ROBO2: variants seen among roughly 807,000 people sequenced by gnomAD.
ROBO2 encodes the protein roundabout guidance receptor 2.
A neutral mutation model predicts 160.8 loss-of-function variants in ROBO2; 53 were observed. The observed-to-expected ratio is 0.33, with a 90% CI of 0.26 to 0.41. ROBO2 has a LOEUF of 0.41. Ranked by LOEUF, ROBO2 falls within the 10% of genes least tolerant of loss-of-function variation. ROBO2 has a pLI of 1.00. For synonymous variants in ROBO2, 664 were observed against 611.7 expected (o/e 1.09, Z -1.26); for missense variants, 1,577 against 1,722.4 (o/e 0.92, Z 1.49).
chr3:76,804,397 T>A (rs1001288330), intron 2 of ROBO2, among the ~76,000 whole-genome samples: 2 of 152,166 alleles, frequency 1.3e-5, no homozygotes, highest in African/African-American at 4.8e-5. Flanking sequence ...AGGAGTGTGA[T>A]TCGTAGCAGT....
At chr3:76,914,036 A>G (rs2076161275) in intron 2 of ROBO2, among the ~76,000 whole-genome samples, 1 of 152,206 alleles carries the variant, frequency 6.6e-6, no homozygotes, top group Non-Finnish European at 1.5e-5. Flanking sequence ...ACTCCTTTAG[A>G]TGAGTAAATG....
chr3:77,422,698 C>T (rs2077820929), intron 2 of ROBO2, among the ~76,000 whole-genome samples: 1 of 152,120 alleles, frequency 6.6e-6, no homozygotes, highest in African/African-American at 2.4e-5. Context: ...ATTGTTCTGT[C>T]TTTATTGCTT....
At chr3:77,037,985 G>T (rs1376326947), upstream of ROBO2, among the ~76,000 whole-genome samples, 1 of 152,164 alleles carries the variant, frequency 6.6e-6, no homozygotes, top group African/African-American at 2.4e-5. Context: ...ACATGAGCTA[G>T]ACATTGTAAT....
intron 2 of ROBO2, among the ~76,000 whole-genome samples, chr3:76,409,079 A>G (rs952018130): frequency 6.6e-6 from 1 of 152,056 alleles, no homozygotes; most frequent in Admixed American, 6.6e-5. Context: ...TGACATATGA[A>G]AGTTTCAAAT....
intron 2 of ROBO2, among the ~76,000 whole-genome samples, chr3:77,323,150 T>C (rs1458408623): frequency 6.7e-6 from 1 of 148,360 alleles, no homozygotes; most frequent in Non-Finnish European, 1.5e-5. Context: ...TGTAATTACT[T>C]GTATCAAATA....
chr3:77,258,620 C>CT (rs1217879013), intron 2 of ROBO2, among the ~76,000 whole-genome samples: 1 of 40,972 alleles, frequency 2.4e-5, no homozygotes, highest in East Asian at 1.1e-3. Flanking sequence ...GAGACTTTGT[C>CT]TTAAAAAAAA....
At chr3:76,500,345 C>T (rs574897031) in intron 2 of ROBO2, among the ~76,000 whole-genome samples, 4 of 152,262 alleles carry the variant, frequency 2.6e-5, no homozygotes, top group East Asian at 1.9e-4. Context: ...TCTCCAACTC[C>T]GGAGCAGTCT....
At chr3:76,989,389 T>A (rs1346337848) in intron 2 of ROBO2, among the ~76,000 whole-genome samples, 1 of 152,138 alleles carries the variant, frequency 6.6e-6, no homozygotes, top group Non-Finnish European at 1.5e-5. Flanking sequence ...CACCCTATTA[T>A]GGTCTAATGA....
chr3:77,076,851 C>T (rs2068062533), intron 1 of ROBO2, among the ~76,000 whole-genome samples: 1 of 151,878 alleles, frequency 6.6e-6, no homozygotes, highest in Non-Finnish European at 1.5e-5. Context: ...TTCAGTTTTG[C>T]CTTATGGATA....
At chr3:76,372,558 T>A (rs948112842) in intron 2 of ROBO2, among the ~76,000 whole-genome samples, 1 of 151,936 alleles carries the variant, frequency 6.6e-6, no homozygotes, top group Non-Finnish European at 1.5e-5. Flanking sequence ...TGCATCTACA[T>A]CTATAACAGA....
At chr3:76,367,072 T>C (rs2075854082) in intron 2 of ROBO2, among the ~76,000 whole-genome samples, 1 of 152,052 alleles carries the variant, frequency 6.6e-6, no homozygotes, top group Non-Finnish European at 1.5e-5. Flanking sequence ...AACTTTTAAT[T>C]TCCTAAACTT....
At chr3:76,304,746 C>T (rs1252583509) in intron 2 of ROBO2, among the ~76,000 whole-genome samples, 1 of 108,414 alleles carries the variant, frequency 9.2e-6, no homozygotes, top group African/African-American at 3.2e-5. Flanking sequence ...TCTTTTCTTT[C>T]CTTCTTTCTT....
intron 2 of ROBO2, among the ~76,000 whole-genome samples, chr3:76,184,228 T>G (rs895149697): frequency 5.9e-5 from 9 of 152,054 alleles, no homozygotes; most frequent in Admixed American, 4.6e-4. Context: ...GCTAGGTACT[T>G]TTGCTTCTGG....
intron 2 of ROBO2, among the ~76,000 whole-genome samples, chr3:76,262,541 G>A (rs1325082558): frequency 1.6e-4 from 24 of 151,996 alleles, no homozygotes; most frequent in Admixed American, 1.6e-3. Flanking sequence ...TTTCTGGACT[G>A]CTCCTTTACT....
intron 2 of ROBO2, among the ~76,000 whole-genome samples, chr3:77,231,927 T>C (rs1289678247): frequency 1.3e-5 from 2 of 152,226 alleles, no homozygotes; most frequent in Non-Finnish European, 2.9e-5. Flanking sequence ...AGTCCTTGTT[T>C]TCTGTAGCTT....
intron 2 of ROBO2, among the ~76,000 whole-genome samples, chr3:76,289,488 A>C (rs112352416): frequency 4.7e-4 from 72 of 151,870 alleles, no homozygotes; most frequent in African/African-American, 1.7e-3. Flanking sequence ...GAAGCTTTTG[A>C]GTTTGATTAG....
chr3:77,550,956 A>C, exon 8 of ROBO2: 1 of 1,612,926 alleles, frequency 6.2e-7, no homozygotes, highest in Non-Finnish European at 8.5e-7. Context: ...GGCAGGAAGC[A>C]TTTTAGCAAA....
At chr3:77,503,218 A>G (rs2087885550) in intron 5 of ROBO2, among the ~76,000 whole-genome samples, 1 of 151,692 alleles carries the variant, frequency 6.6e-6, no homozygotes, top group South Asian at 2.1e-4. Context: ...TTAAATATAA[A>G]TTAAAAAAAT....
chr3:77,094,779 G>C (rs1347706223), intron 1 of ROBO2, among the ~76,000 whole-genome samples: 1 of 152,116 alleles, frequency 6.6e-6, no homozygotes, highest in Non-Finnish European at 1.5e-5. Context: ...TTTTCTAATA[G>C]CTAATGATGT....
Sources: gnomAD v4.1 joint callset for allele counts (sites outside exome capture counted in the v4.1 genomes callset) on GRCh38, gnomAD v4.1.1 for gene constraint, MANE v1.5 for transcripts, NCBI Gene and HGNC (gene_info 2026-07-23, HGNC 2026-07-21) for gene names.